The following STAT5B variants were observed in gnomAD, a reference collection of about 807,000 sequenced individuals.
STAT5B encodes the protein signal transducer and activator of transcription 5B, also known as transcription factor STAT5B.
In STAT5B, 21 loss-of-function variants were observed where a neutral mutation model predicts 107.8. The observed-to-expected ratio is 0.19, with a 90% CI of 0.14 to 0.28. The LOEUF (loss-of-function observed/expected upper bound fraction) is 0.28, where lower values mean the gene tolerates loss of function less well. STAT5B is among the 10% of genes least tolerant of loss of function. STAT5B has a pLI of 1.00. For missense variants in STAT5B, 565 were observed against 1,008.2 expected (o/e 0.56, Z 5.95); for synonymous variants, 325 against 401.7 (o/e 0.81, Z 2.28).
intron 1 of STAT5B, among the ~76,000 whole-genome samples, chr17:42,241,325 A>C (rs2080400078): frequency 6.7e-6 from 1 of 148,192 alleles, no homozygotes; most frequent in Admixed American, 6.8e-5. Flanking sequence ...TGGCAACAAG[A>C]GTGAAACTCC....
At chr17:42,244,992 C>T (rs539607112) in intron 1 of STAT5B, among the ~76,000 whole-genome samples, 359 of 151,766 alleles carry the variant, frequency 2.4e-3, no homozygotes, top group African/African-American at 8.4e-3. Flanking sequence ...ACCCCCACCG[C>T]TCGTGTTCAA....
At chr17:42,268,560 C>T (rs573748964) in intron 1 of STAT5B, 50 of 152,106 alleles carry the variant, frequency 3.3e-4, no homozygotes, top group African/African-American at 1.2e-3. Flanking sequence ...TACATTGTAT[C>T]CTTACATATT....
chr17:42,223,348 T>C (rs1598307255), intron 5 of STAT5B, 34 bp downstream of exon 5: 1 of 1,613,946 alleles, frequency 6.2e-7, no homozygotes, highest in East Asian at 2.2e-5. Context: ...GGCCCAATCC[T>C]CAAGTTGCAC....
At chr17:42,250,258 G>C (rs997818756) in intron 1 of STAT5B, among the ~76,000 whole-genome samples, 1 of 152,138 alleles carries the variant, frequency 6.6e-6, no homozygotes, top group African/African-American at 2.4e-5. Context: ...ACAAGCTCTT[G>C]TTCTAAAATG....
chr17:42,216,305 C>A (rs1176184450), intron 11 of STAT5B, among the ~76,000 whole-genome samples, 199 bp from the exon 12 acceptor site: 1 of 152,072 alleles, frequency 6.6e-6, no homozygotes, highest in Non-Finnish European at 1.5e-5. Context: ...AAATATTTTA[C>A]AAGCAATGTT....
chr17:42,283,154 A>G, the STAT5B span, among the ~76,000 whole-genome samples: 1 of 152,190 alleles, frequency 6.6e-6, no homozygotes, highest in Non-Finnish European at 1.5e-5. Flanking sequence ...CAAGGCACAA[A>G]AGATTTCTTG....
At chr17:42,265,111 C>T (rs1159248474) in intron 1 of STAT5B, among the ~76,000 whole-genome samples, 1 of 142,014 alleles carries the variant, frequency 7.0e-6, no homozygotes, top group Non-Finnish European at 1.5e-5. Context: ...GATATTAGCC[C>T]TTTGTCAGAT....
intron 1 of STAT5B, among the ~76,000 whole-genome samples, chr17:42,248,224 G>A (rs113616194): frequency 5.5e-5 from 8 of 145,478 alleles, no homozygotes; most frequent in African/African-American, 1.8e-4. Flanking sequence ...GCTGTGAGCC[G>A]TGATTGTGTC....
At chr17:42,226,448 C>T (rs1455958827) in intron 3 of STAT5B, among the ~76,000 whole-genome samples, 3 of 152,062 alleles carry the variant, frequency 2.0e-5, no homozygotes, top group African/African-American at 7.2e-5. Flanking sequence ...AGTATTATAT[C>T]AATGCTAAAT....
Position 42,201,501 on chromosome 17 carries a change from G to GA in STAT5B, c.*236dup. 1 of 629,130 alleles carries GA rather than the reference G, an allele frequency of 1.6e-6. No homozygotes were observed. The highest frequency in any genetic ancestry group is 1.8e-5 in the African/African-American group (1 of 55,206). The allele number at this position is 629,130 out of a possible 1,614,324, so 39.0% of individuals were successfully genotyped here. A position where few individuals can be genotyped will look rare whatever the true frequency, so the allele number is the denominator to read the frequency against. The stretch of plus-strand genomic sequence containing the variant: ...CTAAACTCTCAGACAGTGAGAGGGA[G>GA]AAACACCATAACGTGCAAACACGCA... On this transcript the variant is annotated 3_prime_UTR_variant, in exon 19 of 19. Coordinates refer to ENST00000293328, the MANE Select transcript of STAT5B (RefSeq NM_012448.4).
At chr17:42,263,869 G>A (rs548377677) in intron 1 of STAT5B, among the ~76,000 whole-genome samples, 32 of 63,556 alleles carry the variant, frequency 5.0e-4, no homozygotes, top group African/African-American at 1.2e-3. Flanking sequence ...ACTAGAAAGC[G>A]CGCACACACA....
chr17:42,259,021 G>T (rs1238194810), intron 1 of STAT5B, among the ~76,000 whole-genome samples: 1 of 152,156 alleles, frequency 6.6e-6, no homozygotes, highest in Non-Finnish European at 1.5e-5. Flanking sequence ...AGACCAAAAG[G>T]TGAATATGAT....
intron 15 of STAT5B, among the ~76,000 whole-genome samples, chr17:42,208,831 A>C (rs1010312569): frequency 1.3e-5 from 2 of 151,494 alleles, no homozygotes; most frequent in African/African-American, 4.9e-5. Context: ...TCCCGGGTTC[A>C]CGCCATTCTC....
intron 12 of STAT5B, among the ~76,000 whole-genome samples, chr17:42,212,412 T>C (rs2080136981): frequency 6.6e-6 from 1 of 152,252 alleles, no homozygotes; most frequent in African/African-American, 2.4e-5. Flanking sequence ...ATGCTATCCA[T>C]GCTGTTTTGT....
upstream of STAT5B, among the ~76,000 whole-genome samples, chr17:42,279,359 C>T (rs1041232788): frequency 1.3e-5 from 2 of 152,190 alleles, no homozygotes; most frequent in African/African-American, 4.8e-5. Context: ...AAGTGCTTCA[C>T]TGTAAAGCAC....
At chr17:42,248,178 G>A (rs2080467837) in intron 1 of STAT5B, among the ~76,000 whole-genome samples, 2 of 151,264 alleles carry the variant, frequency 1.3e-5, no homozygotes, top group South Asian at 4.2e-4. Flanking sequence ...TCAGGAGACA[G>A]GCAGAAGAAC....
At chr17:42,246,305 CATTCAGAATTATAAAGTAAAA>C (rs1476987950) in intron 1 of STAT5B, among the ~76,000 whole-genome samples, 1 of 151,876 alleles carries the variant, frequency 6.6e-6, no homozygotes, top group African/African-American at 2.4e-5. Flanking sequence ...TTAAGTAGAA[CATTCAGAATTATAAAGTAAAA>C]ATTCAGAATT....
At chr17:42,285,028 C>T in the STAT5B span, among the ~76,000 whole-genome samples, 1 of 151,816 alleles carries the variant, frequency 6.6e-6, no homozygotes, top group Admixed American at 6.6e-5. Context: ...AGGCTGCAGA[C>T]TATTATTATT....
At chr17:42,264,464 T>C (rs1306905787) in intron 1 of STAT5B, among the ~76,000 whole-genome samples, 1 of 150,762 alleles carries the variant, frequency 6.6e-6, no homozygotes, top group Non-Finnish European at 1.5e-5. Flanking sequence ...GGTGTTTGGT[T>C]TTTTGTTCTT....
Sources: gnomAD v4.1 joint callset for allele counts (sites outside exome capture counted in the v4.1 genomes callset) on GRCh38, gnomAD v4.1.1 for gene constraint, MANE v1.5 for transcripts, NCBI Gene and HGNC (gene_info 2026-07-23, HGNC 2026-07-21) for gene names.